The following MDGA2 variants were observed in gnomAD, a reference collection of about 807,000 sequenced individuals.
MDGA2 encodes the protein MAM domain-containing glycosylphosphatidylinositol anchor protein 2.
MDGA2 carries 40 observed loss-of-function variants against 117.8 expected under a neutral mutation model. The observed-to-expected ratio is 0.34, with a 90% CI of 0.26 to 0.44. MDGA2 has a LOEUF of 0.44. Among genes scored for constraint, MDGA2 ranks in the 20% least tolerant of loss-of-function variants. The probability of loss-of-function intolerance (pLI) is 1.00; values close to 1 mark genes in which losing one functional copy is unlikely to be tolerated. For synonymous variants in MDGA2, 452 were observed against 439.0 expected (o/e 1.03, Z -0.37); for missense variants, 1,123 against 1,250.6 (o/e 0.90, Z 1.54).
Position 47,453,014 on chromosome 14 carries a change from A to G in MDGA2, c.281-151464T>C, listed in dbSNP as rs553661904. ...GTTTTATTATATTATGTCACTAATA[A>G]TTTGGGGTTAATTATAACAGTCTAC... On this transcript the variant is annotated intron_variant, in intron 1 of 16. Coordinates refer to ENST00000399232, the MANE Select transcript of MDGA2 (RefSeq NM_001113498.3). Among the ~76,000 whole-genome samples the G allele has an allele frequency of 1.6e-3, 239 of 152,218 alleles. 1 individual carries two copies. Among genetic ancestry groups the G allele is most frequent in the African/African-American group, 5.6e-3 (232 of 41,556 alleles).
At chr14:47,456,459 A>T (rs1180923856) in intron 1 of MDGA2, among the ~76,000 whole-genome samples, 1 of 144,452 alleles carries the variant, frequency 6.9e-6, no homozygotes, top group South Asian at 2.2e-4. Context: ...CGCCTGGCTA[A>T]TTTTTTTTTT....
chr14:47,048,454 T>G (rs1482014150), intron 7 of MDGA2, among the ~76,000 whole-genome samples: 2 of 152,016 alleles, frequency 1.3e-5, no homozygotes, highest in Admixed American at 6.6e-5. Flanking sequence ...AATCAAAATT[T>G]TATTACTTCT....
rs180772417 is a variant in MDGA2 at position 47,191,070 on chromosome 14, T to C, written c.595+26951A>G. Among the ~76,000 whole-genome samples the C allele has an allele frequency of 1.1e-3, 164 of 151,934 alleles. 1 individual carries two copies. The highest frequency in any genetic ancestry group is 9.4e-4 in the Non-Finnish European group (64 of 67,818). ...GGAAGGATAGTTTTTCAACTGAATG[T>C]TAAATTTTTTTAAGTTCAAAAAGTA... On this transcript the variant is annotated intron_variant, in intron 3 of 16. Transcript: ENST00000399232.
intron 1 of MDGA2, among the ~76,000 whole-genome samples, chr14:47,490,878 G>C (rs1293741298): frequency 6.6e-6 from 1 of 152,072 alleles, no homozygotes; most frequent in Non-Finnish European, 1.5e-5. Flanking sequence ...CAGTTGGCTA[G>C]GCCTGGCGTA....
rs1898106524 is a variant in MDGA2 at position 47,673,173 on chromosome 14, A to G, written c.280+1344T>C. Among the ~76,000 whole-genome samples, 4 of 152,260 alleles carry G rather than the reference A, an allele frequency of 2.6e-5. No individual in the cohort carries two copies. The South Asian group carries it at 8.3e-4, about 32-fold the overall frequency. On this transcript the variant is annotated intron_variant, in intron 1 of 16. Transcript: ENST00000399232. ...AGCACTGTTCAGCCCTGGACAGAAC[A>G]CAGTGGACACAGTAAAGGCTGGGTC...
At chr14:46,889,812 A>G (rs571650895) in intron 10 of MDGA2, among the ~76,000 whole-genome samples, 2 of 152,052 alleles carry the variant, frequency 1.3e-5, no homozygotes, top group Non-Finnish European at 2.9e-5. Flanking sequence ...GGCTCCCCCA[A>G]GTGGGACCCA....
chr14:47,100,220 T>C (rs1880224134), intron 5 of MDGA2, among the ~76,000 whole-genome samples: 3 of 152,204 alleles, frequency 2.0e-5, no homozygotes, highest in South Asian at 2.1e-4. Flanking sequence ...CCAGGACCTT[T>C]AAAAGCTCAT....
chr14:47,623,110 C>A (rs1337537495), intron 1 of MDGA2, among the ~76,000 whole-genome samples: 1 of 152,110 alleles, frequency 6.6e-6, no homozygotes, highest in Non-Finnish European at 1.5e-5. Flanking sequence ...ATATCTCAGG[C>A]ATGGGTTTGT....
intron 8 of MDGA2, among the ~76,000 whole-genome samples, chr14:47,010,716 G>T (rs752999754): frequency 2.0e-5 from 3 of 151,990 alleles, no homozygotes; most frequent in African/African-American, 7.2e-5. Context: ...ACATGGGTAA[G>T]TGTCCCCACC....
At chr14:46,923,364 GATAA>G (rs1474276297) in intron 9 of MDGA2, among the ~76,000 whole-genome samples, 1 of 151,824 alleles carries the variant, frequency 6.6e-6, no homozygotes, top group Non-Finnish European at 1.5e-5. Flanking sequence ...TCATATTATA[GATAA>G]ATAAATGAAG....
At chr14:46,964,477 G>A (rs1488001843) in intron 8 of MDGA2, among the ~76,000 whole-genome samples, 3 of 152,186 alleles carry the variant, frequency 2.0e-5, no homozygotes, top group Admixed American at 1.3e-4. Context: ...GTCTAAGCTG[G>A]TTCAGGAAGG....
intron 1 of MDGA2, among the ~76,000 whole-genome samples, chr14:47,561,175 G>GTTTTTTTTTTTTTTTTTTTTTTTTTTTTT (rs150826944): frequency 1.4e-5 from 1 of 69,360 alleles, no homozygotes; most frequent in Non-Finnish European, 2.8e-5. Flanking sequence ...TTTTTTGTTT[G>GTTTTTTTTTTTTTTTTTTTTTTTTTTTTT]TTTGTTTTTT....
At chr14:46,961,942 A>G (rs1189557876) in intron 8 of MDGA2, among the ~76,000 whole-genome samples, 1 of 152,146 alleles carries the variant, frequency 6.6e-6, no homozygotes, top group Non-Finnish European at 1.5e-5. Context: ...GCACCGGGCC[A>G]CTGCCTGATA....
At chr14:47,458,247 T>C (rs1384615488) in intron 1 of MDGA2, among the ~76,000 whole-genome samples, 1 of 152,198 alleles carries the variant, frequency 6.6e-6, no homozygotes, top group Non-Finnish European at 1.5e-5. Context: ...TTTCACTTTG[T>C]TGGTTGTATC....
chr14:47,253,262 T>G (rs974003681), intron 2 of MDGA2, among the ~76,000 whole-genome samples: 1 of 152,134 alleles, frequency 6.6e-6, no homozygotes, highest in Non-Finnish European at 1.5e-5. Flanking sequence ...TTTAGCTCAT[T>G]CCAGCATTAA....
intron 12 of MDGA2, among the ~76,000 whole-genome samples, chr14:46,874,417 T>C (rs1300365041): frequency 6.6e-6 from 1 of 151,844 alleles, no homozygotes; most frequent in Non-Finnish European, 1.5e-5. Flanking sequence ...TAATATCTTA[T>C]TGAATAATTA....
intron 1 of MDGA2, among the ~76,000 whole-genome samples, chr14:47,454,201 G>C (rs1350809512): frequency 6.6e-6 from 1 of 152,116 alleles, no homozygotes; most frequent in Non-Finnish European, 1.5e-5. Context: ...TCTCATCCAG[G>C]GAGGTGGGAG....
chr14:47,306,907 C>G (rs1252812982), intron 1 of MDGA2, among the ~76,000 whole-genome samples: 1 of 150,936 alleles, frequency 6.6e-6, no homozygotes, highest in Non-Finnish European at 1.5e-5. Context: ...CAGCCTATAC[C>G]TTACTGTTCT....
intron 1 of MDGA2, among the ~76,000 whole-genome samples, chr14:47,661,299 C>T (rs1736188357): frequency 6.6e-6 from 1 of 152,130 alleles, no homozygotes; most frequent in African/African-American, 2.4e-5. Context: ...TCAGATTTTG[C>T]ATCTATCTCA....
Sources: gnomAD v4.1 joint callset for allele counts (sites outside exome capture counted in the v4.1 genomes callset) on GRCh38, gnomAD v4.1.1 for gene constraint, MANE v1.5 for transcripts, NCBI Gene and HGNC (gene_info 2026-07-23, HGNC 2026-07-21) for gene names.